Variants in BCL2L11 observed in about 807,000 individuals in gnomAD.
The protein encoded by BCL2L11 is bcl-2-like protein 11.
BCL2L11 carries 15 observed loss-of-function variants against 20.6 expected under a neutral mutation model. The observed-to-expected ratio is 0.73, with a 90% CI of 0.49 to 1.12. BCL2L11 has a LOEUF of 1.12. BCL2L11 is among the 50% of genes most tolerant of loss of function. The probability of loss-of-function intolerance (pLI) is 0.00; values close to 1 mark genes in which losing one functional copy is unlikely to be tolerated. For synonymous variants in BCL2L11, 108 were observed against 92.8 expected (o/e 1.16, Z -0.94); for missense variants, 292 against 260.9 (o/e 1.12, Z -0.82).
intron 2 of BCL2L11, among the ~76,000 whole-genome samples, chr2:111,125,227 A>G (rs2072287022): frequency 6.6e-6 from 1 of 152,260 alleles, no homozygotes; most frequent in Non-Finnish European, 1.5e-5. Context: ...TTTTGAAAAC[A>G]TTGTACAAGC....
intron 3 of BCL2L11, among the ~76,000 whole-genome samples, chr2:111,157,435 G>A (rs2078003558): frequency 6.6e-6 from 1 of 152,164 alleles, no homozygotes; most frequent in East Asian, 1.9e-4. Flanking sequence ...GCTTTTTTCT[G>A]AGGCTGAAAC....
intron 2 of BCL2L11, among the ~76,000 whole-genome samples, chr2:111,148,169 A>G (rs1283063918): frequency 6.6e-6 from 1 of 152,176 alleles, no homozygotes; most frequent in East Asian, 1.9e-4. Flanking sequence ...AGTCATGTGT[A>G]GTGAGAAACA....
intron 2 of BCL2L11, among the ~76,000 whole-genome samples, chr2:111,125,338 T>C (rs1574894926): frequency 6.6e-6 from 1 of 152,240 alleles, no homozygotes; most frequent in East Asian, 1.9e-4. Context: ...GAGTCTGTGT[T>C]GATCGACTTG....
At position 111,166,422 on chromosome 2, in the gene BCL2L11, A is replaced by T. The variant is rs954625630; in HGVS notation, c.*2191A>T. 6.5e-6 allele frequency: 1 copy of T among 152,706 alleles called. No individual in the cohort carries two copies. The highest frequency in any genetic ancestry group is 1.5e-5 in the Non-Finnish European group (1 of 68,072). The allele number at this position is 152,706 out of a possible 1,614,324, so 9.5% of individuals were successfully genotyped here. On this transcript the variant is annotated 3_prime_UTR_variant, in exon 4 of 4. Coordinates refer to ENST00000393256, the MANE Select transcript of BCL2L11 (RefSeq NM_138621.5). ...CCTGAGGAAATTAGAGATTCTATGA[A>T]TTGTAGGAGTATTAAAGACCAGGCT...
chr2:111,154,245 T>G (rs1372890758), intron 3 of BCL2L11, among the ~76,000 whole-genome samples: 1 of 152,076 alleles, frequency 6.6e-6, no homozygotes, highest in African/African-American at 2.4e-5. Context: ...TAATCCCTTA[T>G]GTAACCACAG....
rs1393392309 is a variant in BCL2L11, at chr2:111,167,604, C to A, written c.*3373C>A. 1.3e-5 allele frequency: 2 copies of A among 152,220 alleles called. No homozygotes were observed. Among genetic ancestry groups the A allele is most frequent in the Non-Finnish European group, 2.9e-5 (2 of 68,052 alleles). 9.4% of individuals were successfully genotyped at this position (152,220 alleles called of 1,614,324 possible). On this transcript the variant is annotated 3_prime_UTR_variant, in exon 4 of 4. Transcript: ENST00000393256. ...CATTGCAGTTGTTCAGGGCTAGGGCCAGGCAGGACAAGTGAATGGGTGGGA... is the reference window on the plus strand; with the variant it reads ...CATTGCAGTTGTTCAGGGCTAGGGCAAGGCAGGACAAGTGAATGGGTGGGA...
chr2:111,125,361 A>G (rs2150183589), intron 2 of BCL2L11, among the ~76,000 whole-genome samples: 1 of 152,146 alleles, frequency 6.6e-6, no homozygotes, highest in East Asian at 1.9e-4. Flanking sequence ...GTTCCCCACC[A>G]ATGGAAAAGG....
chr2:111,151,290 A>G (rs1442483072), intron 3 of BCL2L11, among the ~76,000 whole-genome samples: 1 of 152,230 alleles, frequency 6.6e-6, no homozygotes, highest in Non-Finnish European at 1.5e-5. Context: ...TAAAGGGTAC[A>G]CTAGCAAATG....
intron 2 of BCL2L11, among the ~76,000 whole-genome samples, chr2:111,124,860 A>G (rs1482732836): frequency 6.6e-6 from 1 of 151,360 alleles, no homozygotes; most frequent in Non-Finnish European, 1.5e-5. Context: ...TAGAACCATG[A>G]AAATGGTTTG....
Position 111,123,834 on chromosome 2 carries a change from C to A in BCL2L11, c.89C>A (p.Pro30His), listed in dbSNP as rs1363842751. 1 of 1,554,658 alleles carries A rather than the reference C, an allele frequency of 6.4e-7. No individual in the cohort carries two copies. The highest frequency in any genetic ancestry group is 8.7e-7 in the Non-Finnish European group (1 of 1,152,502). The change falls in exon 2 of 4, where the codon CCT becomes CAT. Residue 30 changes from proline (P) to histidine (H), a missense_variant. Coordinates refer to ENST00000393256, the MANE Select transcript of BCL2L11 (RefSeq NM_138621.5). ...GCGGAGAGGCCTCCCCAGCTCAGACCTGGGGCCCCTACCTCCCTACAGACA... is the reference window on the plus strand; with the variant it reads ...GCGGAGAGGCCTCCCCAGCTCAGACATGGGGCCCCTACCTCCCTACAGACA... ...QPAERPPQLR[P>H]GAPTSLQTEP... is the part of the protein sequence containing the mutation.
chr2:111,152,205 T>G (rs2077338864), intron 3 of BCL2L11, among the ~76,000 whole-genome samples: 2 of 152,180 alleles, frequency 1.3e-5, no homozygotes, highest in Admixed American at 6.5e-5. Flanking sequence ...ACCTAGGCAA[T>G]GAACTGACCA....
In BCL2L11 at chr2:111,123,885, A is replaced by G. The variant is rs199602272; in HGVS notation, c.140A>G (p.Asn47Ser). 377 of 1,609,046 alleles carry G rather than the reference A, an allele frequency of 2.3e-4. No individual in the cohort carries two copies. Among genetic ancestry groups the G allele is most frequent in the Non-Finnish European group, 2.9e-4 (347 of 1,177,662 alleles). The change falls in exon 2 of 4, where the codon AAT becomes AGT. Residue 47 changes from asparagine (N) to serine (S), a missense_variant. Physicochemically the swap from Asn to Ser is conservative, Grantham distance 46 (BLOSUM62 1). Transcript: ENST00000393256. Reference sequence around the variant, plus strand: ...GAGCCACAAGGTAATCCTGAAGGCAATCACGGAGGTGAAGGGGACAGCTGC... The same window carrying G: ...GAGCCACAAGGTAATCCTGAAGGCAGTCACGGAGGTGAAGGGGACAGCTGC... Reference protein sequence around the residue: ...QTEPQGNPEGNHGGEGDSCPH... With the variant: ...QTEPQGNPEGSHGGEGDSCPH...
chr2:111,147,344 T>TCACA (rs1449890383), intron 2 of BCL2L11, among the ~76,000 whole-genome samples: 1 of 132,598 alleles, frequency 7.5e-6, no homozygotes, highest in African/African-American at 2.9e-5. Flanking sequence ...TCTCTCTCTC[T>TCACA]CTCACACACA....
In BCL2L11 at chr2:111,135,976, C is replaced by A. The variant is rs181234235; in HGVS notation, c.394+11837C>A. On this transcript the variant is annotated intron_variant, in intron 2 of 3. Transcript: ENST00000393256. ...GGTCTGGGAGATCGGCCTGCTGACACCATCTGGTGGTGGAATCAGAGCACC... is the reference window on the plus strand; with the variant it reads ...GGTCTGGGAGATCGGCCTGCTGACAACATCTGGTGGTGGAATCAGAGCACC... Among the ~76,000 whole-genome samples, 4 of 152,294 alleles carry A rather than the reference C, an allele frequency of 2.6e-5. No homozygotes were observed. In the East Asian group the frequency reaches 7.7e-4, roughly 29 times the overall value.
rs1258929049 is a variant in BCL2L11, at chr2:111,124,023, C to T, written c.278C>T (p.Ser93Phe). ...MRRSSLLSRS[S>F]SGYFSFDTDR... ...AGATCCTCCCTGCTGTCTCGATCCTCCAGTGGGTATTTCTCTTTTGACACA... is the reference window on the plus strand; with the variant it reads ...AGATCCTCCCTGCTGTCTCGATCCTTCAGTGGGTATTTCTCTTTTGACACA... The change falls in exon 2 of 4, where the codon TCC becomes TTC. Residue 93 changes from serine to phenylalanine, a missense_variant. Coordinates refer to ENST00000393256, the MANE Select transcript of BCL2L11 (RefSeq NM_138621.5). 6.2e-7 allele frequency: 1 copy of T among 1,614,114 alleles called. No homozygotes were observed. The highest frequency in any genetic ancestry group is 8.5e-7 in the Non-Finnish European group (1 of 1,180,050).
Position 111,165,977 on chromosome 2 carries a change from C to G in BCL2L11, c.*1746C>G, listed in dbSNP as rs923989162. ...TAGAGATGATTTCAATCCAAATACT[C>G]TTACTTTAAAAAATTTCCTTTCCCC... On this transcript the variant is annotated 3_prime_UTR_variant, in exon 4 of 4. Coordinates refer to ENST00000393256, the MANE Select transcript of BCL2L11 (RefSeq NM_138621.5). 5.3e-5 allele frequency: 8 copies of G among 152,276 alleles called. No individual in the cohort carries two copies. Among genetic ancestry groups the G allele is most frequent in the Admixed American group, 4.6e-4 (7 of 15,284 alleles). 9.4% of individuals were successfully genotyped at this position (152,276 alleles called of 1,614,324 possible). A position where few individuals can be genotyped will look rare whatever the true frequency, so the allele number is the denominator to read the frequency against.
intron 3 of BCL2L11, among the ~76,000 whole-genome samples, chr2:111,162,131 A>G (rs2078636872): frequency 6.6e-6 from 1 of 152,134 alleles, no homozygotes; most frequent in Admixed American, 6.5e-5. Flanking sequence ...ACGGGCATAC[A>G]CTTCGAGCCA....
Position 111,125,718 on chromosome 2 carries a change from G to C in BCL2L11, c.394+1579G>C, listed in dbSNP as rs6733986. Among the ~76,000 whole-genome samples the C allele has an allele frequency of 2.0e-5, 3 of 151,768 alleles. No homozygotes were observed. The South Asian group carries it at 6.2e-4, about 32-fold the overall frequency. Reference sequence around the variant, plus strand: ...TGTGAGGTGGTGGGGAGAAATGACAGACATCCCAGCAGCTACACATGCTGG... The same window carrying C: ...TGTGAGGTGGTGGGGAGAAATGACACACATCCCAGCAGCTACACATGCTGG... On this transcript the variant is annotated intron_variant, in intron 2 of 3. Coordinates refer to ENST00000393256, the MANE Select transcript of BCL2L11 (RefSeq NM_138621.5).
intron 2 of BCL2L11, among the ~76,000 whole-genome samples, chr2:111,129,274 C>T (rs900701133): frequency 6.6e-6 from 1 of 152,200 alleles, no homozygotes; most frequent in Non-Finnish European, 1.5e-5. Flanking sequence ...AGTCCCAGCT[C>T]TGTCTCTGAA....
Sources: gnomAD v4.1 joint callset for allele counts (sites outside exome capture counted in the v4.1 genomes callset) on GRCh38, gnomAD v4.1.1 for gene constraint, MANE v1.5 for transcripts, NCBI Gene and HGNC (gene_info 2026-07-23, HGNC 2026-07-21) for gene names.